DNAAF9: variants seen among roughly 807,000 people sequenced by gnomAD.
DNAAF9 encodes shulin.
In DNAAF9, 90 loss-of-function variants were observed where a neutral mutation model predicts 167.0. The observed-to-expected ratio is 0.54, with a 90% CI of 0.45 to 0.64. The LOEUF is 0.64. Among genes scored for constraint, DNAAF9 ranks in the 30% least tolerant of loss-of-function variants. The pLI, the probability that DNAAF9 is intolerant of heterozygous loss-of-function variation, is 0.00. For synonymous variants in DNAAF9, 491 were observed against 508.8 expected (o/e 0.96, Z 0.47); for missense variants, 1,315 against 1,442.2 (o/e 0.91, Z 1.43).
chr20:3,381,531 C>T (rs375310479), intron 2 of DNAAF9, 33 bp from the exon 3 acceptor site: 1 of 1,605,408 alleles, frequency 6.2e-7, no homozygotes, highest in African/African-American at 1.3e-5. Context: ...ATCAGCTGTA[C>T]CATACTACAG....
At chr20:3,358,224 CT>C (rs2083314803) in intron 7 of DNAAF9, among the ~76,000 whole-genome samples, 1 of 151,706 alleles carries the variant, frequency 6.6e-6, no homozygotes, top group Non-Finnish European at 1.5e-5. Context: ...AGTCTATTAA[CT>C]TTATTAGAAT....
At chr20:3,253,603 A>G (rs2122719271) in intron 36 of DNAAF9, 123 bp downstream of exon 36, 1 of 687,130 alleles carries the variant, frequency 1.5e-6, no homozygotes, top group Non-Finnish European at 2.7e-6. Flanking sequence ...ATCAGTGGAC[A>G]TGCAGAGTGC....
intron 10 of DNAAF9, among the ~76,000 whole-genome samples, chr20:3,336,772 G>C (rs905959545): frequency 5.0e-4 from 75 of 151,502 alleles, no homozygotes; most frequent in African/African-American, 1.8e-3. Context: ...GGCTGGTCTT[G>C]AACTCCTGAC....
chr20:3,270,572 A>T lies in DNAAF9; in HGVS notation c.2651-10T>A, dbSNP rs1003540586. ...ACGTTACTCACCAGGCCTGGGAATA[A>T]AACCAAGGACAGTTTAGCCTTCACA... On this transcript the variant is annotated splice_polypyrimidine_tract_variant and intron_variant, in intron 29 of 36. Transcript: ENST00000252032. The T allele has an allele frequency of 6.2e-7, 1 of 1,611,748 alleles. No homozygotes were observed. Among genetic ancestry groups the T allele is most frequent in the African/African-American group, 1.3e-5 (1 of 74,820 alleles).
intron 5 of DNAAF9, 28 bp downstream of exon 5, chr20:3,375,002 T>C: frequency 7.9e-7 from 1 of 1,266,716 alleles, no homozygotes; most frequent in African/African-American, 1.5e-5. Flanking sequence ...TAAGCAAGGT[T>C]CTAGAAGGCT....
chr20:3,380,026 G>A (rs375819622), intron 3 of DNAAF9, among the ~76,000 whole-genome samples: 3 of 152,216 alleles, frequency 2.0e-5, no homozygotes, highest in South Asian at 2.1e-4. Context: ...ACTGCACTCC[G>A]GCCTGGGCAA....
At chr20:3,262,204 T>C (rs998198302) in intron 31 of DNAAF9, among the ~76,000 whole-genome samples, 1 of 152,144 alleles carries the variant, frequency 6.6e-6, no homozygotes, top group Non-Finnish European at 1.5e-5. Context: ...CATCTCTGAT[T>C]CTCTATAAGG....
rs369053899 is a variant in DNAAF9, at chr20:3,259,583, C to G, written c.2981-29G>C. 1.1e-4 allele frequency: 171 copies of G among 1,532,832 alleles called. 2 individuals are homozygous for G. In the South Asian group the frequency reaches 1.8e-3, roughly 16 times the overall value. The allele number at this position is 1,532,832 out of a possible 1,614,324, so 95.0% of individuals were successfully genotyped here. A position where few individuals can be genotyped will look rare whatever the true frequency, so the allele number is the denominator to read the frequency against. The stretch of plus-strand genomic sequence containing the variant: ...GTGGAAGAAGAGGACAGCGCTGTCA[C>G]CCACATGGAGGCACAGGCCAAATTC... On this transcript the variant is annotated intron_variant, in intron 32 of 36. Coordinates refer to ENST00000252032, the MANE Select transcript of DNAAF9 (RefSeq NM_001009984.3).
At chr20:3,269,038 G>T (rs1238029827) in intron 30 of DNAAF9, among the ~76,000 whole-genome samples, 1 of 150,732 alleles carries the variant, frequency 6.6e-6, no homozygotes, top group Non-Finnish European at 1.5e-5. Context: ...CAAGTAGCTG[G>T]GGCTACAGGT....
intron 20 of DNAAF9, among the ~76,000 whole-genome samples, chr20:3,307,467 TTCTGGTATCTGCTCTGGACTCTTG>T (rs1444691104): frequency 6.6e-6 from 1 of 152,044 alleles, no homozygotes; most frequent in Non-Finnish European, 1.5e-5. Flanking sequence ...GCAATAACCC[TTCTGGTATCTGCTCTGGACTCTTG>T]ACTGTCAGAC....
In DNAAF9 at chr20:3,387,884, T is replaced by TAAAAAAAAAAAAAAA. The variant is rs557861791; in HGVS notation, c.84-5393_84-5379dup. ...AGGGAGACCCTGTCTCTACAAAAAG[T>TAAAAAAAAAAAAAAA]AAAAAAAAAAAAAAAAAAAAAAAAA... On this transcript the variant is annotated intron_variant, in intron 1 of 36. Coordinates refer to ENST00000252032, the MANE Select transcript of DNAAF9 (RefSeq NM_001009984.3). Among the ~76,000 whole-genome samples, 35 of 87,368 alleles carry TAAAAAAAAAAAAAAA rather than the reference T, an allele frequency of 4.0e-4. 1 individual carries two copies. Among genetic ancestry groups the TAAAAAAAAAAAAAAA allele is most frequent in the African/African-American group, 4.8e-4 (10 of 20,784 alleles). The allele number at this position is 87,368 out of a possible 152,430, so 57.3% of individuals were successfully genotyped here. A position where few individuals can be genotyped will look rare whatever the true frequency, so the allele number is the denominator to read the frequency against.
At chr20:3,379,654 T>C (rs1176330409) in intron 3 of DNAAF9, among the ~76,000 whole-genome samples, 1 of 152,246 alleles carries the variant, frequency 6.6e-6, no homozygotes, top group Admixed American at 6.5e-5. Flanking sequence ...CCCTCTCATA[T>C]GAGATCAAAA....
chr20:3,249,564 G>A lies in DNAAF9; in HGVS notation c.*3008C>T, dbSNP rs2068169168. On this transcript the variant is annotated 3_prime_UTR_variant, in exon 37 of 37. Transcript: ENST00000252032. ...TTTAAGTTACAAATATTAAAGCACTGAAAAACTAGTATAAAAGTGAATTTT... is the reference window on the plus strand; with the variant it reads ...TTTAAGTTACAAATATTAAAGCACTAAAAAACTAGTATAAAAGTGAATTTT... 6.6e-6 allele frequency: 1 copy of A among 152,160 alleles called. No individual in the cohort carries two copies. Among genetic ancestry groups the A allele is most frequent in the African/African-American group, 2.4e-5 (1 of 41,430 alleles). 9.4% of individuals were successfully genotyped at this position (152,160 alleles called of 1,614,324 possible). A position where few individuals can be genotyped will look rare whatever the true frequency, so the allele number is the denominator to read the frequency against.
At chr20:3,259,881 A>G (rs757662559) in intron 32 of DNAAF9, 41 bp downstream of exon 32, 1 of 1,158,312 alleles carries the variant, frequency 8.6e-7, no homozygotes, top group Non-Finnish European at 1.3e-6. Flanking sequence ...ACTCTGGGAC[A>G]CCCTTTTTCC....
Position 3,340,545 on chromosome 20 carries a change from C to T in DNAAF9, c.940G>A (p.Val314Ile), listed in dbSNP as rs1399659588. The change falls in exon 10 of 37, where the codon GTA (valine) becomes ATA (isoleucine). Residue 314 changes from valine to isoleucine, a missense_variant. Coordinates refer to ENST00000252032, the MANE Select transcript of DNAAF9 (RefSeq NM_001009984.3). ...NFNFPSEGHL[V>I]RSTGPGGSFA... ...CTCCCGCCGGGACCAGTGCTTCGTA[C>T]CAGATGTCCTTCAGAAGGGAAGTTA... The T allele has an allele frequency of 6.8e-6, 11 of 1,610,694 alleles. No homozygotes were observed. Among genetic ancestry groups the T allele is most frequent in the Non-Finnish European group, 9.3e-6 (11 of 1,178,712 alleles).
At chr20:3,404,876 T>C (rs1231062067) in intron 1 of DNAAF9, among the ~76,000 whole-genome samples, 2 of 152,252 alleles carry the variant, frequency 1.3e-5, no homozygotes, top group Non-Finnish European at 2.9e-5. Flanking sequence ...ACCTTGGTAA[T>C]AAGTCCAAAA....
chr20:3,339,080 C>T (rs2123107366), intron 10 of DNAAF9, among the ~76,000 whole-genome samples: 1 of 152,234 alleles, frequency 6.6e-6, no homozygotes, highest in Admixed American at 6.5e-5. Flanking sequence ...TACTGATAAG[C>T]CCATTAAAGG....
chr20:3,360,379 A>G (rs1172017712), intron 6 of DNAAF9, among the ~76,000 whole-genome samples: 1 of 152,160 alleles, frequency 6.6e-6, no homozygotes, highest in Non-Finnish European at 1.5e-5. Flanking sequence ...AACCTCCCAA[A>G]CTGCTGGGAT....
At chr20:3,343,882 TGACA>T (rs1232444311) in intron 8 of DNAAF9, 151 bp from the exon 9 acceptor site, 1 of 523,594 alleles carries the variant, frequency 1.9e-6, no homozygotes, top group African/African-American at 1.9e-5. Flanking sequence ...TGCGTGTGTG[TGACA>T]GAGAGAGCTA....
Sources: gnomAD v4.1 joint callset for allele counts (sites outside exome capture counted in the v4.1 genomes callset) on GRCh38, gnomAD v4.1.1 for gene constraint, MANE v1.5 for transcripts, NCBI Gene and HGNC (gene_info 2026-07-23, HGNC 2026-07-21) for gene names.